SND1: variants seen among roughly 807,000 people sequenced by gnomAD.
SND1 encodes staphylococcal nuclease domain-containing protein 1.
In SND1, 38 loss-of-function variants were observed where a neutral mutation model predicts 121.7. That is an observed-to-expected ratio of 0.31 (90% CI 0.24 to 0.41). The LOEUF (loss-of-function observed/expected upper bound fraction) is 0.41, where lower values mean the gene tolerates loss of function less well. Among genes scored for constraint, SND1 ranks in the 10% least tolerant of loss-of-function variants. The pLI is 1.00. For synonymous variants in SND1, 401 were observed against 447.4 expected, an observed-to-expected ratio of 0.90 and a Z score of 1.31; for missense variants, 868 against 1,184.6, an observed-to-expected ratio of 0.73 and a Z score of 3.92.
In SND1 at chr7:127,668,218, G is replaced by A. The variant is rs75389125; in HGVS notation, c.78+15767G>A. Among the ~76,000 whole-genome samples the A allele has an allele frequency of 9.2e-3, 1,403 of 152,316 alleles. 24 individuals are homozygous for A. The highest frequency in any genetic ancestry group is 0.032 in the African/African-American group (1,331 of 41,568). On this transcript the variant is annotated intron_variant, in intron 1 of 23. Coordinates refer to ENST00000354725, the MANE Select transcript of SND1 (RefSeq NM_014390.4). ...TCCCCAGGTGATTGATGTTTGCACAGTAAAGTCTGAGAAGTGCTGTCCATT... is the reference window on the plus strand; with the variant it reads ...TCCCCAGGTGATTGATGTTTGCACAATAAAGTCTGAGAAGTGCTGTCCATT...
intron 1 of SND1, among the ~76,000 whole-genome samples, chr7:127,675,631 T>C (rs187289592): frequency 3.3e-4 from 50 of 152,270 alleles, no homozygotes; most frequent in African/African-American, 1.2e-3. Context: ...TTACCTTTAA[T>C]AGCCTGAGTA....
intron 1 of SND1, among the ~76,000 whole-genome samples, chr7:127,683,331 T>C (rs1396906573): frequency 1.3e-5 from 2 of 152,186 alleles, no homozygotes; most frequent in Non-Finnish European, 2.9e-5. Context: ...TTCTCCTACC[T>C]CAGCCTCCCA....
intron 11 of SND1, among the ~76,000 whole-genome samples, chr7:127,816,399 A>G (rs930188511): frequency 6.6e-6 from 1 of 152,216 alleles, no homozygotes; most frequent in African/African-American, 2.4e-5. Flanking sequence ...CAGTAACTAT[A>G]GGAATCCCAG....
intron 15 of SND1, among the ~76,000 whole-genome samples, chr7:127,979,512 A>C (rs1386652296): frequency 1.3e-5 from 2 of 152,192 alleles, no homozygotes; most frequent in Non-Finnish European, 2.9e-5. Context: ...CAGGAAGGGC[A>C]GTTACAGAAC....
intron 12 of SND1, among the ~76,000 whole-genome samples, chr7:127,859,656 T>A (rs532799986): frequency 1.3e-5 from 2 of 152,312 alleles, no homozygotes; most frequent in South Asian, 4.2e-4. Context: ...CTTGATAGAC[T>A]CACCTGGAGC....
chr7:127,682,631 A>G (rs712708), intron 1 of SND1, among the ~76,000 whole-genome samples: 143,528 of 152,286 alleles, frequency 0.94, 68,082 homozygotes, highest in Non-Finnish European at 1. Context: ...CAGCTTTGGC[A>G]GACTAATTAC....
At chr7:128,089,465 G>C in intron 21 of SND1, 24 bp from the exon 22 acceptor site, 1 of 1,597,824 alleles carries the variant, frequency 6.3e-7, no homozygotes, top group Non-Finnish European at 8.6e-7. Flanking sequence ...GGCTTGCTCT[G>C]ACCTGAGTGT....
intron 10 of SND1, among the ~76,000 whole-genome samples, chr7:127,796,584 A>G (rs1289484185): frequency 6.6e-6 from 1 of 152,170 alleles, no homozygotes; most frequent in Non-Finnish European, 1.5e-5. Context: ...CAAGGCAGAA[A>G]GTGATTAGTG....
intron 10 of SND1, among the ~76,000 whole-genome samples, chr7:127,806,092 C>T (rs1798233444): frequency 6.6e-6 from 1 of 152,042 alleles, no homozygotes; most frequent in South Asian, 2.1e-4. Flanking sequence ...ACAAATGGGT[C>T]TTTTTTGTCT....
At chr7:127,856,967 G>C (rs1167271530) in intron 12 of SND1, among the ~76,000 whole-genome samples, 13 of 152,088 alleles carry the variant, frequency 8.5e-5, no homozygotes, top group Admixed American at 8.5e-4. Context: ...GCTGTGGAAA[G>C]ATCAGATCAT....
At chr7:127,980,633 A>C (rs74430835) in intron 15 of SND1, among the ~76,000 whole-genome samples, 125 of 152,304 alleles carry the variant, frequency 8.2e-4, no homozygotes, top group Non-Finnish European at 1.7e-3. Context: ...GAGCAATTTT[A>C]TTTGAGTGAA....
intron 16 of SND1, among the ~76,000 whole-genome samples, chr7:128,072,411 T>C (rs572427457): frequency 1.5e-4 from 23 of 152,212 alleles, no homozygotes; most frequent in Middle Eastern, 6.8e-3. Flanking sequence ...ATGCGGAAAC[T>C]GATGTGGGCC....
At chr7:127,782,867 T>C (rs1365250582) in intron 10 of SND1, among the ~76,000 whole-genome samples, 1 of 152,216 alleles carries the variant, frequency 6.6e-6, no homozygotes, top group Non-Finnish European at 1.5e-5. Context: ...TGTGTATTCG[T>C]TATAGAAATG....
In SND1 at chr7:128,085,719, C is replaced by G. The variant is rs1480185759; in HGVS notation, c.2243C>G (p.Ala748Gly). 1 of 1,614,010 alleles carries G rather than the reference C, an allele frequency of 6.2e-7. No individual in the cohort carries two copies. Among genetic ancestry groups the G allele is most frequent in the Non-Finnish European group, 8.5e-7 (1 of 1,179,930 alleles). The change falls in exon 20 of 24, where the codon GCC becomes GGC. Residue 748 changes from alanine to glycine, a missense_variant. Transcript: ENST00000354725. The surrounding 1 kb of genome is among the most constrained non-coding windows in gnomAD (Gnocchi z 4.4). ...AKFVDGEWYR[A>G]RVEKVESPAK... ...CCATGATGCCATTGCAGGTACCGTG[C>G]CCGAGTAGAGAAAGTCGAGTCTCCT...
intron 16 of SND1, chr7:128,027,087 A>G (rs528839866): frequency 6.5e-6 from 1 of 152,692 alleles, no homozygotes; most frequent in African/African-American, 2.4e-5. Context: ...ATTCAACAAT[A>G]TTTATTAAAA....
intron 10 of SND1, among the ~76,000 whole-genome samples, chr7:127,745,672 C>T (rs190031580): frequency 1.3e-5 from 2 of 152,276 alleles, no homozygotes; most frequent in Admixed American, 1.3e-4. Context: ...GAGGTTATGA[C>T]TGGTACAAGC....
At chr7:127,714,168 C>T (rs1039247703) in intron 9 of SND1, among the ~76,000 whole-genome samples, 1 of 152,096 alleles carries the variant, frequency 6.6e-6, no homozygotes, top group African/African-American at 2.4e-5. Context: ...CTTGCTTGGT[C>T]CTCTGTACCT....
At chr7:127,903,535 G>A (rs900547373) in intron 13 of SND1, among the ~76,000 whole-genome samples, 2 of 152,146 alleles carry the variant, frequency 1.3e-5, no homozygotes, top group Non-Finnish European at 2.9e-5. Context: ...TGAACCAGAA[G>A]CATTTCAGAT....
At chr7:127,884,722 T>C (rs549860274) in intron 12 of SND1, among the ~76,000 whole-genome samples, 2 of 152,186 alleles carry the variant, frequency 1.3e-5, no homozygotes, top group African/African-American at 4.8e-5. Flanking sequence ...AGATGAGTTT[T>C]CTCCAATTAA....
Sources: allele counts gnomAD v4.1 joint callset (sites outside exome capture counted in the v4.1 genomes callset), GRCh38; gene constraint gnomAD v4.1.1; non-coding constraint Gnocchi (gnomAD v3.1); transcripts MANE v1.5; gene names NCBI Gene and HGNC (gene_info 2026-07-23, HGNC 2026-07-21).